The following CELF5 variants were observed in gnomAD, a reference collection of about 807,000 sequenced individuals.
CELF5 encodes the protein CUG-BP and ETR-3 like factor 5.
Under a neutral mutation model 54.9 loss-of-function variants are expected in CELF5, and 6 were observed. That is an observed-to-expected ratio of 0.11 (90% CI 0.06 to 0.22). The LOEUF (loss-of-function observed/expected upper bound fraction) is 0.22. CELF5 is among the 10% of genes least tolerant of loss of function. CELF5 has a pLI of 1.00. For synonymous variants in CELF5, 271 were observed against 290.9 expected, an observed-to-expected ratio of 0.93 and a Z score of 0.70; for missense variants, 401 against 678.6, an observed-to-expected ratio of 0.59 and a Z score of 4.54.
chr19:3,245,402 G>A (rs944435756), intron 1 of CELF5, among the ~76,000 whole-genome samples: 5 of 149,670 alleles, frequency 3.3e-5, no homozygotes, highest in African/African-American at 9.9e-5. Context: ...GTGTGTGTGC[G>A]TGTGTGTGTG....
intron 12 of CELF5, chr19:3,294,322 G>A (rs2278292): frequency 0.55 from 83,481 of 151,728 alleles, 24,284 homozygotes; most frequent in Middle Eastern, 0.7. Context: ...CGGCGGAAAC[G>A]GTCCACCTAG....
Position 3,282,061 on chromosome 19 carries a change from C to T in CELF5, c.751-65C>T, listed in dbSNP as rs1190519858. The T allele has an allele frequency of 3.8e-6, 6 of 1,581,964 alleles. No homozygotes were observed. The highest frequency in any genetic ancestry group is 5.2e-6 in the Non-Finnish European group (6 of 1,153,774). On this transcript the variant is annotated intron_variant, in intron 6 of 12. Coordinates refer to ENST00000292672, the MANE Select transcript of CELF5 (RefSeq NM_021938.4). The surrounding 1 kb of genome is among the most constrained non-coding windows in gnomAD (Gnocchi z 5.2). ...CTCACTAGTAACTGGGGTACCAAGC[C>T]TCCCCTCATAAGCCATGATCTCAGG...
chr19:3,248,199 AGG>A (rs1251199374), intron 1 of CELF5, among the ~76,000 whole-genome samples: 1 of 152,176 alleles, frequency 6.6e-6, no homozygotes, highest in Non-Finnish European at 1.5e-5. Context: ...TCTGTTGCCT[AGG>A]CTGGATTGCA....
chr19:3,292,663 G>A (rs907954208), intron 11 of CELF5, among the ~76,000 whole-genome samples: 7 of 152,116 alleles, frequency 4.6e-5, no homozygotes, highest in African/African-American at 1.4e-4. Context: ...AAGAGACAGA[G>A]ATGAGACAGA....
chr19:3,225,577 C>G, intron 1 of CELF5: 1 of 982,780 alleles, frequency 1.0e-6, no homozygotes, highest in Non-Finnish European at 1.2e-6. Flanking sequence ...GGGGCAGGTC[C>G]GGCCGCGGGG....
chr19:3,269,765 C>G (rs191899258), intron 2 of CELF5, among the ~76,000 whole-genome samples: 3 of 152,268 alleles, frequency 2.0e-5, no homozygotes, highest in Admixed American at 1.3e-4. Context: ...CTCCCTTCCC[C>G]CTCTCCCTTT....
chr19:3,275,772 T>G lies in CELF5; in HGVS notation c.395-84T>G. The G allele has an allele frequency of 6.9e-7, 1 of 1,447,268 alleles. No homozygotes were observed. The highest frequency in any genetic ancestry group is 9.3e-7 in the Non-Finnish European group (1 of 1,079,102). 89.7% of individuals were successfully genotyped at this position (1,447,268 alleles called of 1,614,324 possible). ...CGCCGCGTCTTCCTGCCCTGCCGCC[T>G]CCACTCTGCTGGAGGGAGGGAGGAA... On this transcript the variant is annotated intron_variant, in intron 3 of 12. Coordinates refer to ENST00000292672, the MANE Select transcript of CELF5 (RefSeq NM_021938.4). The surrounding 1 kb of genome is among the most constrained non-coding windows in gnomAD (Gnocchi z 6.7).
chr19:3,291,821 G>A (rs546809072), intron 11 of CELF5, among the ~76,000 whole-genome samples: 3 of 152,146 alleles, frequency 2.0e-5, no homozygotes, highest in African/African-American at 7.2e-5. Context: ...GCCTCAGGGA[G>A]GACTTCCTTG....
At chr19:3,254,186 G>A (rs1415312690) in intron 2 of CELF5, among the ~76,000 whole-genome samples, 1 of 152,112 alleles carries the variant, frequency 6.6e-6, no homozygotes, top group African/African-American at 2.4e-5. Context: ...CTCCTTCTCT[G>A]CATCCATCTT....
rs1001902093 is a variant in CELF5, at chr19:3,278,949, C to T, written c.603+839C>T. 1.3e-5 allele frequency among the ~76,000 whole-genome samples: 2 copies of T among 152,086 alleles called. No individual in the cohort carries two copies. Among genetic ancestry groups the T allele is most frequent in the African/African-American group, 4.8e-5 (2 of 41,388 alleles). On this transcript the variant is annotated intron_variant, in intron 5 of 12. Transcript: ENST00000292672. This position sits in a 1 kb window ranked among gnomAD's most constrained non-coding sequence, Gnocchi z 4.5. The stretch of plus-strand genomic sequence containing the variant: ...AGCCATAGAAGATGGGGCCGCAATG[C>T]GAGGCTGAGAAGCCTGGACTTTCTC...
At chr19:3,254,993 C>T (rs921313449) in intron 2 of CELF5, among the ~76,000 whole-genome samples, 1 of 152,046 alleles carries the variant, frequency 6.6e-6, no homozygotes, top group African/African-American at 2.4e-5. Context: ...CCCATCCACC[C>T]ACACATCCAT....
intron 1 of CELF5, among the ~76,000 whole-genome samples, chr19:3,247,020 C>A (rs1320737298): frequency 1.3e-5 from 2 of 152,190 alleles, no homozygotes; most frequent in African/African-American, 4.8e-5. Context: ...GGTGGGGACA[C>A]CATCGTGAAG....
rs2080160666 is a variant in CELF5 at position 3,282,028 on chromosome 19, C to T, written c.751-98C>T. 1.5e-5 allele frequency: 21 copies of T among 1,380,182 alleles called. No individual in the cohort carries two copies. The highest frequency in any genetic ancestry group is 2.0e-5 in the Non-Finnish European group (20 of 982,800). The allele number at this position is 1,380,182 out of a possible 1,614,324, so 85.5% of individuals were successfully genotyped here. ...CTCAGCCTGAGCCAAGATACCCAGC[C>T]TGACCTCCTCACTAGTAACTGGGGT... On this transcript the variant is annotated intron_variant, in intron 6 of 12. Coordinates refer to ENST00000292672, the MANE Select transcript of CELF5 (RefSeq NM_021938.4). This position sits in a 1 kb window ranked among gnomAD's most constrained non-coding sequence, Gnocchi z 5.2.
intron 1 of CELF5, among the ~76,000 whole-genome samples, chr19:3,250,589 T>C (rs1351827975): frequency 6.6e-6 from 1 of 152,164 alleles, no homozygotes; most frequent in Non-Finnish European, 1.5e-5. Context: ...AACTTTCTCA[T>C]CTTCCCAAAC....
intron 1 of CELF5, among the ~76,000 whole-genome samples, chr19:3,229,941 T>C (rs536902921): frequency 3.5e-4 from 53 of 152,132 alleles, no homozygotes; most frequent in Non-Finnish European, 5.9e-4. Context: ...GGCTCACCTG[T>C]TGAGGCTCTT....
chr19:3,244,690 T>A (rs201636645), intron 1 of CELF5, among the ~76,000 whole-genome samples: 1 of 127,350 alleles, frequency 7.9e-6, no homozygotes, highest in Admixed American at 9.3e-5. Flanking sequence ...GTGTGTGTAG[T>A]GTGTGGTGTG....
chr19:3,229,263 G>A (rs956822115), intron 1 of CELF5, among the ~76,000 whole-genome samples: 8 of 152,132 alleles, frequency 5.3e-5, no homozygotes, highest in Non-Finnish European at 1.0e-4. Flanking sequence ...AGAGCTTGCT[G>A]TGTACCAGGC....
Position 3,282,773 on chromosome 19 carries a change from A to G in CELF5, c.1039+275A>G, listed in dbSNP as rs73921264. 1.5e-3 allele frequency among the ~76,000 whole-genome samples: 234 copies of G among 152,286 alleles called. No homozygotes were observed. The highest frequency in any genetic ancestry group is 5.3e-3 in the African/African-American group (220 of 41,556). On this transcript the variant is annotated intron_variant, in intron 8 of 12. Coordinates refer to ENST00000292672, the MANE Select transcript of CELF5 (RefSeq NM_021938.4). This position sits in a 1 kb window ranked among gnomAD's most constrained non-coding sequence, Gnocchi z 5.2. ...TACGTCCCTGAGCCTCAGTTTGCTC[A>G]TCTGGAAAATGGGGCAGATAACATC...
chr19:3,245,138 T>G (rs1272158066), intron 1 of CELF5, among the ~76,000 whole-genome samples: 1 of 150,190 alleles, frequency 6.7e-6, no homozygotes. Flanking sequence ...TAGTGTGTGG[T>G]GTGTGCGTGC....
Sources: gnomAD v4.1 joint callset for allele counts (sites outside exome capture counted in the v4.1 genomes callset) on GRCh38, gnomAD v4.1.1 for gene constraint, Gnocchi (gnomAD v3.1) non-coding constraint, MANE v1.5 for transcripts, NCBI Gene and HGNC (gene_info 2026-07-23, HGNC 2026-07-21) for gene names.